HLCS: variants seen among roughly 807,000 people sequenced by gnomAD.
HLCS encodes holocarboxylase synthetase.
Under a neutral mutation model 75.0 loss-of-function variants are expected in HLCS, and 53 were observed. That is an observed-to-expected ratio of 0.71 (90% CI 0.57 to 0.89). The LOEUF (loss-of-function observed/expected upper bound fraction) is 0.89, where lower values mean the gene tolerates loss of function less well. Ranked by LOEUF, HLCS falls within the 40% of genes least tolerant of loss-of-function variation. HLCS has a pLI of 0.00. For synonymous variants in HLCS, 431 were observed against 428.6 expected (o/e 1.01, Z -0.07); for missense variants, 966 against 1,074.0 (o/e 0.90, Z 1.41).
chr21:36,778,185 G>A (rs573336805), intron 6 of HLCS, among the ~76,000 whole-genome samples: 16 of 152,182 alleles, frequency 1.1e-4, no homozygotes, highest in South Asian at 6.2e-4. Context: ...TAGCCAGGAT[G>A]GTCTTGATCT....
chr21:36,760,079 C>T (rs2145745772), intron 8 of HLCS, among the ~76,000 whole-genome samples: 1 of 152,306 alleles, frequency 6.6e-6, no homozygotes, highest in Non-Finnish European at 1.5e-5. Context: ...CCCCATCCCC[C>T]AGCACTGTTT....
chr21:36,931,065 C>T (rs1037683348), intron 4 of HLCS, among the ~76,000 whole-genome samples: 1 of 152,144 alleles, frequency 6.6e-6, no homozygotes, highest in African/African-American at 2.4e-5. Flanking sequence ...GGGCAGATCA[C>T]CTGAGGTCGG....
intron 6 of HLCS, among the ~76,000 whole-genome samples, chr21:36,839,756 G>A (rs995224866): frequency 6.6e-6 from 1 of 152,204 alleles, no homozygotes; most frequent in Non-Finnish European, 1.5e-5. Flanking sequence ...TCTTCAGACA[G>A]AAGAACCTTC....
chr21:36,764,811 A>G (rs575068589), intron 8 of HLCS, among the ~76,000 whole-genome samples: 1 of 152,258 alleles, frequency 6.6e-6, no homozygotes, highest in Non-Finnish European at 1.5e-5. Context: ...AGTTCTGGGG[A>G]ATGAATGCAT....
At position 36,760,763 on chromosome 21, in the gene HLCS, G is replaced by C. The variant is rs374007074; in HGVS notation, c.2122-922C>G. On this transcript the variant is annotated intron_variant, in intron 8 of 10. Coordinates refer to ENST00000674895, the MANE Select transcript of HLCS (RefSeq NM_001352514.2). ...GTCTTGAATGGTGTGGCCTGGGGGT[G>C]GGGGGGCTCTCCCTGTCATCAGCTT... 5.3e-5 allele frequency among the ~76,000 whole-genome samples: 8 copies of C among 152,168 alleles called. No homozygotes were observed. In the South Asian group the frequency reaches 1.7e-3, roughly 32 times the overall value.
At chr21:36,754,522 G>T in intron 10 of HLCS, 105 bp from the exon 11 acceptor site, 1 of 1,220,524 alleles carries the variant, frequency 8.2e-7, no homozygotes, top group Non-Finnish European at 1.2e-6. Flanking sequence ...GTGCTGGGGA[G>T]AGGGCTGAGG....
At chr21:36,829,465 C>T (rs914147214) in intron 6 of HLCS, among the ~76,000 whole-genome samples, 11 of 152,218 alleles carry the variant, frequency 7.2e-5, no homozygotes, top group Middle Eastern at 3.4e-3. Flanking sequence ...ATTAACTATA[C>T]AGATGATACT....
At chr21:36,978,547 AG>A (rs1221875776) in intron 1 of HLCS, among the ~76,000 whole-genome samples, 1 of 151,854 alleles carries the variant, frequency 6.6e-6, no homozygotes, top group African/African-American at 2.4e-5. Context: ...TGTGGGAAGG[AG>A]GCTGGAAGCG....
Position 36,748,820 on chromosome 21 carries a change from A to G in HLCS, c.*5426T>C, listed in dbSNP as rs1213148535. 1 of 152,592 alleles carries G rather than the reference A, an allele frequency of 6.6e-6. No individual in the cohort carries two copies. The highest frequency in any genetic ancestry group is 1.9e-4 in the East Asian group (1 of 5,200). 9.5% of individuals were successfully genotyped at this position (152,592 alleles called of 1,614,324 possible). On this transcript the variant is annotated 3_prime_UTR_variant, in exon 11 of 11. Transcript: ENST00000674895. ...ACCAAGAGTAGCACCTTCAGAATAT[A>G]TTGAATAGGCATTAAATGCAAAAAT...
At chr21:36,913,411 T>TG (rs761948938) in intron 5 of HLCS, among the ~76,000 whole-genome samples, 30 of 145,398 alleles carry the variant, frequency 2.1e-4, no homozygotes, top group Non-Finnish European at 3.9e-4. Flanking sequence ...GAGCTGGGGG[T>TG]GGGGTAGGAG....
chr21:36,784,305 C>T lies in HLCS; in HGVS notation c.1893-17020G>A, dbSNP rs567100714. 5.8e-3 allele frequency among the ~76,000 whole-genome samples: 815 copies of T among 141,486 alleles called. 6 individuals are homozygous for T. The highest frequency in any genetic ancestry group is 0.016 in the African/African-American group (592 of 36,960). 92.8% of individuals were successfully genotyped at this position (141,486 alleles called of 152,430 possible). A position where few individuals can be genotyped will look rare whatever the true frequency, so the allele number is the denominator to read the frequency against. Reference sequence around the variant, plus strand: ...AAAACAGAATTTCAAGGTAGAAATACCACCTCTTTTTTTTTTTTTTTTTTT... The same window carrying T: ...AAAACAGAATTTCAAGGTAGAAATATCACCTCTTTTTTTTTTTTTTTTTTT... On this transcript the variant is annotated intron_variant, in intron 6 of 10. Coordinates refer to ENST00000674895, the MANE Select transcript of HLCS (RefSeq NM_001352514.2).
At chr21:36,770,521 T>C (rs2060172903) in intron 6 of HLCS, among the ~76,000 whole-genome samples, 1 of 152,144 alleles carries the variant, frequency 6.6e-6, no homozygotes, top group South Asian at 2.1e-4. Flanking sequence ...AAAATGTTAA[T>C]GATGGCTATA....
intron 2 of HLCS, among the ~76,000 whole-genome samples, chr21:36,941,073 G>A (rs763462638): frequency 1.3e-5 from 2 of 152,196 alleles, no homozygotes; most frequent in African/African-American, 4.8e-5. Context: ...TTAGCCAGGC[G>A]TTGTTGTGGG....
intron 2 of HLCS, among the ~76,000 whole-genome samples, chr21:36,953,626 A>G (rs955391220): frequency 6.6e-6 from 1 of 152,220 alleles, no homozygotes; most frequent in Non-Finnish European, 1.5e-5. Flanking sequence ...ATAAAGACAT[A>G]TAATTAACAA....
intron 6 of HLCS, among the ~76,000 whole-genome samples, chr21:36,857,695 G>C (rs978868257): frequency 6.6e-6 from 1 of 152,132 alleles, no homozygotes; most frequent in African/African-American, 2.4e-5. Context: ...CTTCATCCAA[G>C]CTCCCCTCAA....
chr21:36,767,400 G>A (rs1426157537), intron 6 of HLCS, 115 bp from the exon 7 acceptor site: 6 of 979,122 alleles, frequency 6.1e-6, no homozygotes, highest in African/African-American at 4.8e-5. Context: ...GCCATGGAAG[G>A]GCCAACTTTG....
rs112665630 is a variant in HLCS at position 36,946,928 on chromosome 21, T to C, written c.331-7934A>G. On this transcript the variant is annotated intron_variant, in intron 2 of 10. Transcript: ENST00000674895. Reference sequence around the variant, plus strand: ...GGACAGAGAGTTCGTTGATTTCAGCTTTGGGAATGGGGGAAAGGACGTCAG... The same window carrying C: ...GGACAGAGAGTTCGTTGATTTCAGCCTTGGGAATGGGGGAAAGGACGTCAG... Among the ~76,000 whole-genome samples the C allele has an allele frequency of 6.8e-3, 1,037 of 152,270 alleles. 13 individuals are homozygous for C. The highest frequency in any genetic ancestry group is 0.019 in the African/African-American group (783 of 41,564).
At chr21:36,901,552 G>A (rs964315319) in intron 5 of HLCS, among the ~76,000 whole-genome samples, 7 of 152,208 alleles carry the variant, frequency 4.6e-5, no homozygotes, top group African/African-American at 1.7e-4. Context: ...CAACGGGGCC[G>A]TGCCTCCTGG....
intron 1 of HLCS, among the ~76,000 whole-genome samples, chr21:36,965,542 C>A (rs1280759358): frequency 1.3e-5 from 2 of 151,838 alleles, no homozygotes; most frequent in Non-Finnish European, 2.9e-5. Context: ...ATCCTAAGCA[C>A]TGGGTCAAAA....
Sources: gnomAD v4.1 joint callset for allele counts (sites outside exome capture counted in the v4.1 genomes callset) on GRCh38, gnomAD v4.1.1 for gene constraint, MANE v1.5 for transcripts, NCBI Gene and HGNC (gene_info 2026-07-23, HGNC 2026-07-21) for gene names.